Variants in AASS observed in about 807,000 individuals in gnomAD.
The protein encoded by AASS is aminoadipate-semialdehyde synthase, also known as alpha-aminoadipic semialdehyde synthase, mitochondrial.
In AASS, 86 loss-of-function variants were observed where a neutral mutation model predicts 105.4. The ratio of observed to expected loss-of-function variants is 0.82; its 90% confidence interval spans 0.69 to 0.98. AASS has a LOEUF of 0.98. AASS is among the 50% of genes least tolerant of loss of function. The pLI, the probability that AASS is intolerant of heterozygous loss-of-function variation, is 0.00. For missense variants in AASS, 1,048 were observed against 1,143.2 expected, an observed-to-expected ratio of 0.92 and a Z score of 1.20; for synonymous variants, 381 against 394.8, an observed-to-expected ratio of 0.96 and a Z score of 0.41.
chr7:122,126,213 A>T (rs966855806), intron 4 of AASS, among the ~76,000 whole-genome samples, 162 bp downstream of exon 4: 11 of 152,234 alleles, frequency 7.2e-5, no homozygotes, highest in African/African-American at 2.6e-4. Context: ...ATTTATCTTC[A>T]TACTTTATTC....
intron 4 of AASS, among the ~76,000 whole-genome samples, chr7:122,123,868 A>G (rs1360733558): frequency 6.6e-6 from 1 of 152,176 alleles, no homozygotes; most frequent in Non-Finnish European, 1.5e-5. Context: ...TGTCCTATAC[A>G]GAACTCATTT....
chr7:122,128,339 A>G (rs1303924746), intron 3 of AASS, among the ~76,000 whole-genome samples: 1 of 152,148 alleles, frequency 6.6e-6, no homozygotes, highest in Non-Finnish European at 1.5e-5. Context: ...CTCTAACCCC[A>G]CACTCAATCT....
At chr7:122,104,954 T>A (rs1042246953) in intron 11 of AASS, among the ~76,000 whole-genome samples, 6 of 150,702 alleles carry the variant, frequency 4.0e-5, no homozygotes, top group African/African-American at 7.3e-5. Context: ...AAAAAAAAAA[T>A]AAGCTCTCAC....
At chr7:122,110,942 T>G (rs1794903162) in intron 11 of AASS, among the ~76,000 whole-genome samples, 1 of 152,222 alleles carries the variant, frequency 6.6e-6, no homozygotes. Flanking sequence ...GAAAACCAAT[T>G]GACACAATTC....
intron 23 of AASS, 147 bp downstream of exon 23, chr7:122,077,691 C>T: frequency 1.0e-6 from 1 of 984,290 alleles, no homozygotes; most frequent in South Asian, 1.4e-5. Context: ...AGGGGACCTC[C>T]CAGGCAGTCC....
At chr7:122,110,767 G>GATAT (rs138252913) in intron 11 of AASS, among the ~76,000 whole-genome samples, 13 of 146,520 alleles carry the variant, frequency 8.9e-5, no homozygotes, top group African/African-American at 1.7e-4. Flanking sequence ...ATAATGTGGA[G>GATAT]ATATATATAT....
intron 4 of AASS, among the ~76,000 whole-genome samples, chr7:122,125,434 A>G (rs1472637150): frequency 2.0e-5 from 3 of 152,214 alleles, no homozygotes; most frequent in Admixed American, 2.0e-4. Context: ...CTTCCTGCAG[A>G]AAGGGTACAC....
Position 122,126,412 on chromosome 7 carries a change from T to C in AASS, c.435A>G (p.Val145=). Residue 145 remains valine, a synonymous_variant, in exon 4 of 24, where the codon GTA becomes GTG. Transcript: ENST00000417368. ...DYEKMVDHRG[V]RVVAFGQWAG... ...CCCACTGTCCAAATGCCACTACCCG[T>C]ACTCCTCTATGATCCACCATTTTCT... 3 of 1,614,010 alleles carry C rather than the reference T, an allele frequency of 1.9e-6. No individual in the cohort carries two copies. Among genetic ancestry groups the C allele is most frequent in the Non-Finnish European group, 2.5e-6 (3 of 1,179,932 alleles).
At chr7:122,113,923 C>CAAAA (rs776611119) in intron 9 of AASS, among the ~76,000 whole-genome samples, 27 of 55,424 alleles carry the variant, frequency 4.9e-4, no homozygotes, top group Admixed American at 8.4e-4. Flanking sequence ...TTTTAGTCTC[C>CAAAA]AAAAAAAAAA....
intron 18 of AASS, among the ~76,000 whole-genome samples, chr7:122,089,770 C>A (rs997427820): frequency 1.4e-4 from 21 of 152,148 alleles, no homozygotes; most frequent in Non-Finnish European, 1.2e-4. Flanking sequence ...CCCACAGATA[C>A]CAAGTTCCTT....
chr7:122,078,134 A>G, intron 22 of AASS, 120 bp from the exon 23 acceptor site: 1 of 916,184 alleles, frequency 1.1e-6, no homozygotes, highest in East Asian at 2.4e-5. Context: ...TGATCACTAG[A>G]CAATTATTTA....
intron 19 of AASS, among the ~76,000 whole-genome samples, chr7:122,083,322 T>A (rs528655679): frequency 6.6e-6 from 1 of 152,274 alleles, no homozygotes; most frequent in South Asian, 2.1e-4. Flanking sequence ...ACCTGATAGG[T>A]GCTAGAGATC....
intron 4 of AASS, among the ~76,000 whole-genome samples, chr7:122,123,927 C>T (rs946905250): frequency 1.3e-5 from 2 of 152,198 alleles, no homozygotes; most frequent in African/African-American, 4.8e-5. Flanking sequence ...ACTGAAAGAA[C>T]TGAATCACTG....
intron 15 of AASS, among the ~76,000 whole-genome samples, chr7:122,097,505 C>T (rs898717884): frequency 2.0e-5 from 3 of 151,816 alleles, no homozygotes; most frequent in Non-Finnish European, 2.9e-5. Context: ...GGTAGTTTTT[C>T]GATCCTCACC....
chr7:122,140,000 A>T (rs1796312753), intron 1 of AASS, among the ~76,000 whole-genome samples: 1 of 152,044 alleles, frequency 6.6e-6, no homozygotes, highest in Non-Finnish European at 1.5e-5. Context: ...TAATTTTTGC[A>T]GTTTTTATAA....
At chr7:122,104,277 C>A (rs1262861111) in intron 11 of AASS, among the ~76,000 whole-genome samples, 1 of 142,136 alleles carries the variant, frequency 7.0e-6, no homozygotes, top group Admixed American at 7.0e-5. Context: ...ATATATACAC[C>A]ATGGAATACT....
chr7:122,083,016 T>C (rs1793443577), intron 19 of AASS: 36 of 465,836 alleles, frequency 7.7e-5, no homozygotes, highest in South Asian at 5.2e-4. Context: ...ATAAGAAATT[T>C]ATCTTATCTG....
intron 1 of AASS, among the ~76,000 whole-genome samples, chr7:122,142,349 G>A (rs568914879): frequency 6.6e-6 from 1 of 151,796 alleles, no homozygotes; most frequent in African/African-American, 2.4e-5. Context: ...CAACCACGCC[G>A]CTAACAGTAG....
At chr7:122,079,483 A>G (rs1793201137) in intron 21 of AASS, 114 bp downstream of exon 21, 1 of 1,088,254 alleles carries the variant, frequency 9.2e-7, no homozygotes, top group African/African-American at 1.6e-5. Flanking sequence ...CTCTACCCAC[A>G]TTAGAGCAAC....
Sources: allele counts gnomAD v4.1 joint callset (sites outside exome capture counted in the v4.1 genomes callset), GRCh38; gene constraint gnomAD v4.1.1; transcripts MANE v1.5; gene names NCBI Gene and HGNC (gene_info 2026-07-23, HGNC 2026-07-21).